CSMD1: variants seen among roughly 807,000 people sequenced by gnomAD.
CSMD1 encodes CUB and Sushi multiple domains 1, also known as CUB and sushi domain-containing protein 1.
In CSMD1, 213 loss-of-function variants were observed where a neutral mutation model predicts 417.5. The observed-to-expected ratio is 0.51, with a 90% CI of 0.46 to 0.57. The LOEUF (loss-of-function observed/expected upper bound fraction) is 0.57, where lower values mean the gene tolerates loss of function less well. CSMD1 is among the 20% of genes least tolerant of loss of function. The pLI, the probability that CSMD1 is intolerant of heterozygous loss-of-function variation, is 0.00. For synonymous variants in CSMD1, 2,862 were observed against 1,736.8 expected (o/e 1.65, Z -16.11); for missense variants, 6,923 against 4,529.7 (o/e 1.53, Z -15.17).
chr8:3,607,657 G>C (rs1037051065), intron 8 of CSMD1, among the ~76,000 whole-genome samples: 1 of 152,180 alleles, frequency 6.6e-6, no homozygotes, highest in Non-Finnish European at 1.5e-5. Flanking sequence ...GCAGTCCATT[G>C]TTAGGCAGTG....
At chr8:4,379,394 A>T (rs1279021824) in intron 3 of CSMD1, among the ~76,000 whole-genome samples, 1 of 152,202 alleles carries the variant, frequency 6.6e-6, no homozygotes, top group African/African-American at 2.4e-5. Flanking sequence ...GGAACAGAAA[A>T]GTGACAGTGG....
At chr8:3,440,591 A>C (rs185350606) in intron 12 of CSMD1, among the ~76,000 whole-genome samples, 12 of 152,276 alleles carry the variant, frequency 7.9e-5, no homozygotes, top group Non-Finnish European at 2.9e-5. Flanking sequence ...GTTACTTGCA[A>C]GTAGAGTCAG....
chr8:3,680,838 C>G (rs573001092), intron 7 of CSMD1, among the ~76,000 whole-genome samples: 6 of 152,246 alleles, frequency 3.9e-5, no homozygotes, highest in Admixed American at 3.9e-4. Context: ...AGCTTATCCA[C>G]CATGATCAAG....
At chr8:4,350,824 C>T (rs1016432084) in intron 3 of CSMD1, among the ~76,000 whole-genome samples, 1 of 152,124 alleles carries the variant, frequency 6.6e-6, no homozygotes, top group Non-Finnish European at 1.5e-5. Context: ...GATGACTTTG[C>T]TTTCCTTAGC....
chr8:3,131,873 A>G (rs1473238380), intron 41 of CSMD1, among the ~76,000 whole-genome samples: 2 of 152,216 alleles, frequency 1.3e-5, no homozygotes, highest in East Asian at 1.9e-4. Flanking sequence ...TGTTATGTAT[A>G]TATTTACCAT....
chr8:2,990,993 C>T (rs1199143218), intron 54 of CSMD1, among the ~76,000 whole-genome samples: 1 of 152,154 alleles, frequency 6.6e-6, no homozygotes, highest in East Asian at 1.9e-4. Flanking sequence ...GATTGCTTTC[C>T]ATAGGGTATA....
chr8:3,503,061 T>A (rs1485413579), intron 10 of CSMD1, among the ~76,000 whole-genome samples: 1 of 152,144 alleles, frequency 6.6e-6, no homozygotes, highest in Non-Finnish European at 1.5e-5. Flanking sequence ...AAATAAAACC[T>A]AATAAATTAA....
At chr8:3,141,367 T>C (rs1045156855) in intron 41 of CSMD1, among the ~76,000 whole-genome samples, 3 of 152,212 alleles carry the variant, frequency 2.0e-5, no homozygotes, top group Non-Finnish European at 4.4e-5. Flanking sequence ...GGACATAGAT[T>C]GAATTAATTT....
intron 1 of CSMD1, among the ~76,000 whole-genome samples, chr8:4,759,167 C>T (rs188857698): frequency 6.6e-6 from 1 of 152,164 alleles, no homozygotes; most frequent in African/African-American, 2.4e-5. Flanking sequence ...AGCCTGCCTG[C>T]AGCTATAATT....
At chr8:4,759,942 T>G (rs1423441705) in intron 1 of CSMD1, among the ~76,000 whole-genome samples, 1 of 152,212 alleles carries the variant, frequency 6.6e-6, no homozygotes, top group Non-Finnish European at 1.5e-5. Context: ...ATGGAATTAC[T>G]AGGTCAAAGG....
intron 1 of CSMD1, among the ~76,000 whole-genome samples, chr8:4,909,944 C>T (rs190711699): frequency 1.3e-5 from 2 of 152,164 alleles, no homozygotes; most frequent in South Asian, 4.1e-4. Flanking sequence ...CTAGCTGAAA[C>T]TGAAGTCTTG....
At chr8:3,294,939 G>T (rs1803853603) in intron 25 of CSMD1, among the ~76,000 whole-genome samples, 1 of 152,036 alleles carries the variant, frequency 6.6e-6, no homozygotes, top group African/African-American at 2.4e-5. Flanking sequence ...GTAGACTGGA[G>T]CTGTTCCTAT....
At chr8:4,570,298 T>G (rs889391977) in intron 2 of CSMD1, among the ~76,000 whole-genome samples, 4 of 152,306 alleles carry the variant, frequency 2.6e-5, no homozygotes, top group African/African-American at 7.2e-5. Flanking sequence ...CTCTTATTAT[T>G]TTGACATATG....
intron 12 of CSMD1, among the ~76,000 whole-genome samples, chr8:3,428,154 G>C (rs1029929937): frequency 2.0e-5 from 3 of 152,116 alleles, no homozygotes; most frequent in African/African-American, 7.2e-5. Context: ...GGTTTTAGAA[G>C]TTCTAATTTC....
chr8:2,973,414 T>C (rs1804634684), intron 56 of CSMD1, 115 bp from the exon 57 acceptor site: 2 of 997,406 alleles, frequency 2.0e-6, no homozygotes, highest in African/African-American at 3.2e-5. Flanking sequence ...ACATGAGTTA[T>C]GGTTACACAA....
intron 30 of CSMD1, among the ~76,000 whole-genome samples, chr8:3,210,875 A>G (rs1191100581): frequency 6.6e-6 from 1 of 152,078 alleles, no homozygotes; most frequent in African/African-American, 2.4e-5. Context: ...TTAGTTAACA[A>G]AAGTACAGAA....
chr8:4,078,283 C>G (rs184767582), intron 3 of CSMD1, among the ~76,000 whole-genome samples: 12 of 150,842 alleles, frequency 8.0e-5, no homozygotes, highest in African/African-American at 2.7e-4. Context: ...GCAGACCTAA[C>G]TGTGCCATAA....
intron 20 of CSMD1, among the ~76,000 whole-genome samples, chr8:3,361,033 G>A (rs2117719926): frequency 6.6e-6 from 1 of 152,184 alleles, no homozygotes; most frequent in South Asian, 2.1e-4. Context: ...GTTTAGATAA[G>A]CAATCTACTC....
chr8:3,883,610 T>C (rs1312733082), intron 5 of CSMD1, among the ~76,000 whole-genome samples: 1 of 152,160 alleles, frequency 6.6e-6, no homozygotes, highest in Non-Finnish European at 1.5e-5. Flanking sequence ...ATTTATTTGA[T>C]ATCAATTAAT....
Sources: gnomAD v4.1 joint callset for allele counts (sites outside exome capture counted in the v4.1 genomes callset) on GRCh38, gnomAD v4.1.1 for gene constraint, MANE v1.5 for transcripts, NCBI Gene and HGNC (gene_info 2026-07-23, HGNC 2026-07-21) for gene names.